MADD: variants seen among roughly 807,000 people sequenced by gnomAD.
The protein encoded by MADD is MAP kinase-activating death domain protein.
MADD carries 109 observed loss-of-function variants against 176.7 expected under a neutral mutation model. That is an observed-to-expected ratio of 0.62 (90% CI 0.53 to 0.72). MADD has a LOEUF of 0.72. Ranked by LOEUF, MADD falls within the 30% of genes least tolerant of loss-of-function variation. MADD has a pLI of 0.00. For synonymous variants in MADD, 771 were observed against 771.3 expected (o/e 1.00, Z 0.01); for missense variants, 1,914 against 2,045.5 (o/e 0.94, Z 1.24).
intron 22 of MADD, among the ~76,000 whole-genome samples, chr11:47,302,509 G>A (rs1450635819): frequency 6.6e-6 from 1 of 152,214 alleles, no homozygotes; most frequent in African/African-American, 2.4e-5. Flanking sequence ...ACCGTGCTCA[G>A]CCTCTTTTTA....
At chr11:47,315,225 A>G in exon 27 of MADD, 1 of 1,609,780 alleles carries the variant, frequency 6.2e-7, no homozygotes, top group Non-Finnish European at 8.5e-7. Flanking sequence ...ATCAGAATGG[A>G]CGCGATCTCT....
chr11:47,279,658 C>G (rs141389574), intron 7 of MADD, among the ~76,000 whole-genome samples: 11,666 of 151,276 alleles, frequency 0.077, 520 homozygotes, highest in South Asian at 0.11. Context: ...GGATTACAGG[C>G]GTGAGCCACT....
At chr11:47,329,624 G>A (rs909439293) in exon 33 of MADD, 5 of 157,368 alleles carry the variant, frequency 3.2e-5, no homozygotes, top group Admixed American at 3.0e-4. Context: ...GGAAGAATTG[G>A]GGGGCAGCCG....
At chr11:47,294,999 A>G (rs1382448313) in intron 20 of MADD, among the ~76,000 whole-genome samples, 2 of 146,012 alleles carry the variant, frequency 1.4e-5, no homozygotes, top group East Asian at 4.2e-4. Flanking sequence ...TCTTTAACGC[A>G]TTGTTTTTTG....
At chr11:47,316,428 G>A (rs1298933362) in intron 27 of MADD, among the ~76,000 whole-genome samples, 1 of 128,520 alleles carries the variant, frequency 7.8e-6, no homozygotes, top group Non-Finnish European at 1.6e-5. Flanking sequence ...TCACTCTGTC[G>A]CCCAGGCTGG....
chr11:47,328,868 G>A (rs1300634672), intron 32 of MADD, among the ~76,000 whole-genome samples, 164 bp downstream of exon 36: 1 of 152,178 alleles, frequency 6.6e-6, no homozygotes, highest in Non-Finnish European at 1.5e-5. Flanking sequence ...AGCCCTGAGA[G>A]ACAGACACAC....
At chr11:47,305,989 C>T (rs2082320636) in intron 22 of MADD, among the ~76,000 whole-genome samples, 1 of 152,170 alleles carries the variant, frequency 6.6e-6, no homozygotes, top group South Asian at 2.1e-4. Context: ...GACCCAGGCA[C>T]AGTATCATTG....
In MADD at chr11:47,325,438, ACAGACCCTGGCCAGGCCG is replaced by A. The variant is rs1294355566; in HGVS notation, c.4542+870_4542+887del. 1 of 152,200 alleles carries A rather than the reference ACAGACCCTGGCCAGGCCG, an allele frequency of 6.6e-6. No individual in the cohort carries two copies. The highest frequency in any genetic ancestry group is 1.5e-5 in the Non-Finnish European group (1 of 68,092). 9.4% of individuals were successfully genotyped at this position (152,200 alleles called of 1,614,324 possible). A position where few individuals can be genotyped will look rare whatever the true frequency, so the allele number is the denominator to read the frequency against. ...GCCAGACCCAAATGTGTGAAGCCCC[ACAGACCCTGGCCAGGCCG>A]CAGACCCTCAGGGGAGGTGGATGCC... On this transcript the variant is annotated intron_variant, in intron 30 of 32. Coordinates refer to ENST00000402192, the Ensembl canonical transcript of MADD. The surrounding 1 kb of genome is among the most constrained non-coding windows in gnomAD (Gnocchi z 4.5).
At chr11:47,270,376 G>A (rs1341798595) in intron 1 of MADD, 130 bp downstream of exon 1, 3 of 151,802 alleles carry the variant, frequency 2.0e-5, no homozygotes, top group Non-Finnish European at 2.9e-5. Flanking sequence ...AGTGTGAAGG[G>A]GCGTGGGGAC....
At chr11:47,269,920 T>A (rs2135818290), upstream of MADD, 1 of 151,990 alleles carries the variant, frequency 6.6e-6, no homozygotes, top group East Asian at 1.9e-4. Context: ...CTGCTGTGGG[T>A]CCCCCACTTG....
intron 22 of MADD, among the ~76,000 whole-genome samples, chr11:47,300,464 C>G (rs1008137581): frequency 1.3e-5 from 2 of 151,072 alleles, no homozygotes; most frequent in African/African-American, 2.4e-5. Context: ...CCCGCCCGCC[C>G]CAAAGTGCTG....
chr11:47,321,018 C>T (rs1419901598), intron 27 of MADD, among the ~76,000 whole-genome samples: 1 of 152,160 alleles, frequency 6.6e-6, no homozygotes, highest in Non-Finnish European at 1.5e-5. Context: ...TAGTCCTAGA[C>T]ATGAAAATTT....
At chr11:47,304,643 C>G (rs375451986) in intron 22 of MADD, among the ~76,000 whole-genome samples, 6 of 152,080 alleles carry the variant, frequency 3.9e-5, no homozygotes, top group South Asian at 2.1e-4. Flanking sequence ...ATGAACTGTT[C>G]TTCTGATTTT....
At chr11:47,270,938 A>G (rs1375933157) in intron 1 of MADD, 1 of 152,238 alleles carries the variant, frequency 6.6e-6, no homozygotes, top group Non-Finnish European at 1.5e-5. Context: ...GTCAGCAGAG[A>G]TGTCATATCG....
At chr11:47,312,811 T>C (rs1017632660) in intron 26 of MADD, among the ~76,000 whole-genome samples, 3 of 152,220 alleles carry the variant, frequency 2.0e-5, no homozygotes, top group African/African-American at 2.4e-5. Context: ...GTTACTCTTA[T>C]TAGATTGATT....
chr11:47,286,432 G>A lies in MADD; in HGVS notation c.2552-1G>A. 1 of 1,612,238 alleles carries A rather than the reference G, an allele frequency of 6.2e-7. No homozygotes were observed. Among genetic ancestry groups the A allele is most frequent in the South Asian group, 1.1e-5 (1 of 91,048 alleles). On this transcript the variant is annotated splice_acceptor_variant, in intron 14 of 32. Transcript: ENST00000402192. LOFTEE classifies it high-confidence loss of function. ...TCGCTCTTGCACCCTCCCCTTGATA[G>A]GCAGCCTCTATCGGAACCACAGTAC...
exon 11 of MADD, chr11:47,284,216 C>T: frequency 6.2e-7 from 1 of 1,614,132 alleles, no homozygotes; most frequent in Non-Finnish European, 8.5e-7. Flanking sequence ...TCAAGCTCTT[C>T]TTACTCCTCC....
At chr11:47,326,646 T>G (rs557234081) in intron 30 of MADD, 92 bp from the exon 35 acceptor site, 1 of 1,539,218 alleles carries the variant, frequency 6.5e-7, no homozygotes, top group South Asian at 1.2e-5. Context: ...AGACTTTCTT[T>G]GTGTGGGTGG....
exon 9 of MADD, chr11:47,282,414 C>T (rs1371179363): frequency 1.7e-5 from 27 of 1,614,038 alleles, no homozygotes; most frequent in African/African-American, 2.7e-5. Context: ...ATTCCGCCAA[C>T]GTGCTGCAGG....
Sources: allele counts gnomAD v4.1 joint callset (sites outside exome capture counted in the v4.1 genomes callset), GRCh38; gene constraint gnomAD v4.1.1; non-coding constraint Gnocchi (gnomAD v3.1); transcripts MANE v1.5; gene names NCBI Gene and HGNC (gene_info 2026-07-23, HGNC 2026-07-21).